The following NHS variants were observed in gnomAD, a reference collection of about 807,000 sequenced individuals.
The protein encoded by NHS is NHS actin remodeling regulator, also known as actin remodeling regulator NHS.
A neutral mutation model predicts 72.5 loss-of-function variants in NHS; 5 were observed. The observed-to-expected ratio is 0.07, with a 90% confidence interval of 0.04 to 0.14. NHS has a LOEUF of 0.14. Ranked by LOEUF, NHS falls within the 10% of genes least tolerant of loss-of-function variation. The pLI, the probability that NHS is intolerant of heterozygous loss-of-function variation, is 1.00. For synonymous variants in NHS, 464 were observed against 547.7 expected (o/e 0.85, Z 2.13); for missense variants, 1,072 against 1,355.7 (o/e 0.79, Z 3.29).
At chrX:17,600,975 T>G (rs964657834) in intron 1 of NHS, among the ~76,000 whole-genome samples, 2 of 111,761 alleles carry the variant, frequency 1.8e-5, no homozygotes, top group African/African-American at 3.3e-5. Flanking sequence ...ATAAAGGGAC[T>G]CTAAAACAAG....
At chrX:17,577,531 C>G (rs1423664726) in intron 1 of NHS, among the ~76,000 whole-genome samples, 1 of 111,285 alleles carries the variant, frequency 9.0e-6, no homozygotes, top group Non-Finnish European at 1.9e-5. Context: ...CATCTATATG[C>G]CCTTAGCCAC....
At chrX:17,729,844 G>C (rs1426458953) in intron 8 of NHS, among the ~76,000 whole-genome samples, 1 of 112,226 alleles carries the variant, frequency 8.9e-6, no homozygotes, top group Non-Finnish European at 1.9e-5. Flanking sequence ...CTTGGGGATT[G>C]TCTTTTCTAC....
At chrX:17,670,619 C>G (rs1171979240) in intron 1 of NHS, among the ~76,000 whole-genome samples, 2 of 112,388 alleles carry the variant, frequency 1.8e-5, no homozygotes, top group Non-Finnish European at 3.8e-5. Flanking sequence ...CCAGATTAGC[C>G]AGCTGTTTTT....
intron 1 of NHS, among the ~76,000 whole-genome samples, chrX:17,648,122 A>G (rs2065914455): frequency 1.8e-5 from 2 of 112,029 alleles, no homozygotes; most frequent in Non-Finnish European, 3.8e-5. Flanking sequence ...AAAGTCACCC[A>G]GTACTTAGTG....
chrX:17,688,902 T>A (rs2066179586), intron 2 of NHS, among the ~76,000 whole-genome samples: 1 of 112,173 alleles, frequency 8.9e-6, no homozygotes, highest in Non-Finnish European at 1.9e-5. Flanking sequence ...TAGAGCCCCC[T>A]AAATTGGGTA....
At chrX:17,507,082 G>C (rs776248564) in intron 1 of NHS, among the ~76,000 whole-genome samples, 74 of 112,352 alleles carry the variant, frequency 6.6e-4, no homozygotes, top group South Asian at 1.5e-3. Context: ...TCTGTATCTG[G>C]GTTGTATTAC....
chrX:17,520,076 A>G (rs1162745876), intron 1 of NHS, among the ~76,000 whole-genome samples: 3 of 110,233 alleles, frequency 2.7e-5, no homozygotes, highest in African/African-American at 1.0e-4. Flanking sequence ...TGACACACAC[A>G]TCAGAGTTAG....
At chrX:17,436,511 A>G (rs1272202717) in intron 1 of NHS, among the ~76,000 whole-genome samples, 1 of 109,336 alleles carries the variant, frequency 9.1e-6, no homozygotes, top group Non-Finnish European at 1.9e-5. Flanking sequence ...ATAAATATAT[A>G]TGGATATATA....
chrX:17,595,373 T>G (rs2147045752), intron 1 of NHS, among the ~76,000 whole-genome samples: 1 of 111,944 alleles, frequency 8.9e-6, no homozygotes, highest in Non-Finnish European at 1.9e-5. Context: ...TGCCCTAGGG[T>G]TTTGACTTTA....
intron 1 of NHS, among the ~76,000 whole-genome samples, chrX:17,685,929 C>T (rs1341872640): frequency 8.9e-6 from 1 of 111,973 alleles, no homozygotes; most frequent in Non-Finnish European, 1.9e-5. Flanking sequence ...TTATGAGGGT[C>T]GGGATTCCTG....
chrX:17,428,366 G>T (rs930791114), intron 1 of NHS, among the ~76,000 whole-genome samples: 3 of 112,619 alleles, frequency 2.7e-5, no homozygotes, highest in African/African-American at 9.7e-5. Context: ...TTTGTTGCCT[G>T]AATAAAATAT....
In NHS at chrX:17,726,457, A is replaced by G. The variant is rs781676239; in HGVS notation, c.2351A>G (p.Tyr784Cys). 2.5e-6 allele frequency: 3 copies of G among 1,210,584 alleles called. No individual in the cohort carries two copies. The highest frequency in any genetic ancestry group is 2.2e-5 in the Admixed American group (1 of 45,870). ...SSHFSVDTEG[Y>C]YTSMHFDCGL... ...CACTTTTCAGTAGACACGGAAGGAT[A>G]CTATACCTCCATGCACTTTGACTGT... Residue 784 changes from tyrosine (Y) to cysteine (C), a missense_variant, in exon 7 of 9, where the codon TAC becomes TGC. Tyr to Cys is a radical substitution (Grantham distance 194, BLOSUM62 -2). Coordinates refer to ENST00000676302, the MANE Select transcript of NHS (RefSeq NM_001291867.2).
intron 1 of NHS, among the ~76,000 whole-genome samples, chrX:17,416,961 C>A (rs1463902688): frequency 9.0e-6 from 1 of 111,024 alleles, no homozygotes; most frequent in Admixed American, 9.7e-5. Flanking sequence ...AGGGGGTGTT[C>A]TCTTCAAGAA....
intron 3 of NHS, among the ~76,000 whole-genome samples, chrX:17,698,949 T>C (rs2066246886): frequency 9.0e-6 from 1 of 111,498 alleles, no homozygotes; most frequent in African/African-American, 3.3e-5. Context: ...TGTATGTATA[T>C]ATATCTAATG....
At chrX:17,514,163 G>A (rs2065106151) in intron 1 of NHS, among the ~76,000 whole-genome samples, 1 of 111,986 alleles carries the variant, frequency 8.9e-6, no homozygotes, top group African/African-American at 3.2e-5. Flanking sequence ...TCCAACACAT[G>A]AGAATTCAAG....
Position 17,455,335 on chromosome X carries a change from C to G in NHS, c.565+79013C>G, listed in dbSNP as rs1038949825. On this transcript the variant is annotated intron_variant, in intron 1 of 8. Coordinates refer to ENST00000676302, the MANE Select transcript of NHS (RefSeq NM_001291867.2). ...TCTTCCTCCTTCTCCTCCTCCTCAT[C>G]ATCATGGTCATTAACATCACCACCA... Among the ~76,000 whole-genome samples the G allele has an allele frequency of 8.0e-5, 9 of 112,090 alleles. No homozygotes were observed. In the South Asian group the frequency reaches 2.6e-3, roughly 33 times the overall value.
At chrX:17,416,292 G>C (rs766798495) in intron 1 of NHS, among the ~76,000 whole-genome samples, 77 of 111,543 alleles carry the variant, frequency 6.9e-4, no homozygotes, top group African/African-American at 2.4e-3. Context: ...CCTTAGCAAG[G>C]TGTAGGTCTG....
intron 3 of NHS, 56 bp downstream of exon 3, chrX:17,692,524 G>T (rs1381838058): frequency 1.7e-6 from 2 of 1,197,730 alleles, no homozygotes; most frequent in South Asian, 1.8e-5. Context: ...ACATCAGTTT[G>T]TCTGGGAGTC....
chrX:17,415,223 T>C (rs1395064332), intron 1 of NHS, among the ~76,000 whole-genome samples: 1 of 111,570 alleles, frequency 9.0e-6, no homozygotes, highest in East Asian at 2.8e-4. Flanking sequence ...CCTCTAGATA[T>C]TTGTTTTTCC....
Sources: gnomAD v4.1 joint callset for allele counts (sites outside exome capture counted in the v4.1 genomes callset) on GRCh38, gnomAD v4.1.1 for gene constraint, MANE v1.5 for transcripts, NCBI Gene and HGNC (gene_info 2026-07-23, HGNC 2026-07-21) for gene names.